The following CDH13 variants were observed in gnomAD, a reference collection of about 807,000 sequenced individuals.
CDH13 encodes the protein cadherin-13.
CDH13 carries 24 observed loss-of-function variants against 63.8 expected under a neutral mutation model. That is an observed-to-expected ratio of 0.38 (90% CI 0.27 to 0.53). The LOEUF (loss-of-function observed/expected upper bound fraction) is 0.53, where lower values mean the gene tolerates loss of function less well. CDH13 is among the 20% of genes least tolerant of loss of function. CDH13 has a pLI of 0.85. For synonymous variants in CDH13, 503 were observed against 355.3 expected (o/e 1.42, Z -4.67); for missense variants, 1,049 against 903.1 (o/e 1.16, Z -2.07).
intron 2 of CDH13, among the ~76,000 whole-genome samples, chr16:82,887,830 A>G (rs1458265701): frequency 6.6e-6 from 1 of 152,130 alleles, no homozygotes; most frequent in East Asian, 1.9e-4. Context: ...TCAGAAAAAA[A>G]AAGAAAGGAG....
chr16:83,534,839 C>A (rs907872965), intron 7 of CDH13, among the ~76,000 whole-genome samples: 15 of 152,270 alleles, frequency 9.9e-5, no homozygotes, highest in Admixed American at 2.6e-4. Context: ...GTATACACAC[C>A]CAAAATTGGG....
intron 6 of CDH13, among the ~76,000 whole-genome samples, chr16:83,431,356 T>C (rs1231322568): frequency 6.6e-6 from 1 of 151,812 alleles, no homozygotes; most frequent in Non-Finnish European, 1.5e-5. Flanking sequence ...TCTTTTACGA[T>C]CCTGGTCCTA....
chr16:83,626,281 G>C (rs948035911), intron 8 of CDH13, among the ~76,000 whole-genome samples: 1 of 152,172 alleles, frequency 6.6e-6, no homozygotes, highest in Non-Finnish European at 1.5e-5. Context: ...AGGCCCCGAG[G>C]AATGCAGGAA....
At chr16:83,328,886 T>TA (rs1455033290) in intron 5 of CDH13, among the ~76,000 whole-genome samples, 1 of 152,178 alleles carries the variant, frequency 6.6e-6, no homozygotes, top group African/African-American at 2.4e-5. Context: ...AGCTCCACAC[T>TA]AGCAGGGATA....
chr16:83,674,068 A>T (rs975591284), intron 9 of CDH13, among the ~76,000 whole-genome samples: 3 of 152,210 alleles, frequency 2.0e-5, no homozygotes, highest in Non-Finnish European at 4.4e-5. Flanking sequence ...AACACCTTCT[A>T]GAAGCCAGCT....
intron 4 of CDH13, among the ~76,000 whole-genome samples, chr16:83,206,969 A>G (rs2039201162): frequency 6.6e-6 from 1 of 152,238 alleles, no homozygotes; most frequent in Non-Finnish European, 1.5e-5. Flanking sequence ...TACTCAGACT[A>G]AAATACTTCG....
intron 1 of CDH13, among the ~76,000 whole-genome samples, chr16:82,745,603 CA>C (rs568980617): frequency 2.0e-5 from 3 of 151,192 alleles, no homozygotes; most frequent in African/African-American, 7.3e-5. Context: ...GACTCTGTCT[CA>C]AAAAAAAGTC....
intron 8 of CDH13, among the ~76,000 whole-genome samples, chr16:83,610,014 C>G (rs1239006136): frequency 2.0e-5 from 3 of 152,198 alleles, no homozygotes; most frequent in African/African-American, 7.2e-5. Flanking sequence ...AGCATTATGT[C>G]TTCATGGTCT....
chr16:82,769,761 T>C (rs1441205052), intron 1 of CDH13, among the ~76,000 whole-genome samples: 3 of 152,232 alleles, frequency 2.0e-5, no homozygotes, highest in African/African-American at 7.2e-5. Context: ...TGTGTTTCCA[T>C]TGACCTGGCT....
chr16:83,072,204 A>G (rs2032488453), intron 3 of CDH13, among the ~76,000 whole-genome samples: 1 of 152,168 alleles, frequency 6.6e-6, no homozygotes, highest in African/African-American at 2.4e-5. Flanking sequence ...CCTTCAGTGG[A>G]AATCCTTGCT....
intron 1 of CDH13, among the ~76,000 whole-genome samples, chr16:82,816,195 C>T (rs948155242): frequency 1.3e-5 from 2 of 152,128 alleles, no homozygotes; most frequent in Non-Finnish European, 2.9e-5. Context: ...TGGAAGCAAA[C>T]CCCACTGCAG....
intron 6 of CDH13, among the ~76,000 whole-genome samples, chr16:83,484,055 C>A (rs2073832900): frequency 6.6e-6 from 1 of 152,148 alleles, no homozygotes; most frequent in African/African-American, 2.4e-5. Flanking sequence ...AAGCATGTGG[C>A]CGGATGGCAC....
chr16:83,334,390 C>CACAT (rs1567599418), intron 5 of CDH13, among the ~76,000 whole-genome samples: 2 of 150,336 alleles, frequency 1.3e-5, no homozygotes, highest in Non-Finnish European at 3.0e-5. Flanking sequence ...CACACACACA[C>CACAT]ACACAGAATC....
At chr16:82,969,476 T>TCC (rs1908370738) in intron 2 of CDH13, among the ~76,000 whole-genome samples, 1 of 110,114 alleles carries the variant, frequency 9.1e-6, no homozygotes, top group Non-Finnish European at 1.9e-5. Context: ...TTTCTGCATA[T>TCC]TCTTTTTTTT....
At chr16:83,092,016 A>C (rs1477950677) in intron 3 of CDH13, among the ~76,000 whole-genome samples, 1 of 152,248 alleles carries the variant, frequency 6.6e-6, no homozygotes, top group Non-Finnish European at 1.5e-5. Flanking sequence ...TGCTGGCATT[A>C]AAAATTTATT....
Position 83,375,377 on chromosome 16 carries a change from G to A in CDH13, c.781+30371G>A, listed in dbSNP as rs115811689. ...TGATTCTCTTTAAGGAGGGTCTGAA[G>A]TGTACAGTGACACAGCTATCAGTGG... is the stretch of plus-strand genomic sequence containing the variant. On this transcript the variant is annotated intron_variant, in intron 6 of 13. Transcript: ENST00000567109. Among the ~76,000 whole-genome samples, 460 of 152,344 alleles carry A rather than the reference G, an allele frequency of 3.0e-3. 1 individual carries two copies. The highest frequency in any genetic ancestry group is 0.01 in the African/African-American group (436 of 41,574).
intron 7 of CDH13, among the ~76,000 whole-genome samples, chr16:83,506,225 A>G (rs2074390709): frequency 6.6e-6 from 1 of 152,204 alleles, no homozygotes; most frequent in Non-Finnish European, 1.5e-5. Flanking sequence ...GTCAGAGTGA[A>G]GAGTATAGAC....
At chr16:83,251,219 CTA>C (rs2151825143) in intron 5 of CDH13, among the ~76,000 whole-genome samples, 2 of 152,094 alleles carry the variant, frequency 1.3e-5, no homozygotes, top group East Asian at 3.9e-4. Flanking sequence ...TCTCTGGGCA[CTA>C]TTTCTTACAA....
At chr16:83,785,682 G>GT (rs1227921099) in intron 13 of CDH13, among the ~76,000 whole-genome samples, 1 of 152,144 alleles carries the variant, frequency 6.6e-6, no homozygotes, top group Non-Finnish European at 1.5e-5. Flanking sequence ...CTCTTGCATA[G>GT]TATCAGCTGG....
Sources: allele counts gnomAD v4.1 joint callset (sites outside exome capture counted in the v4.1 genomes callset), GRCh38; gene constraint gnomAD v4.1.1; transcripts MANE v1.5; gene names NCBI Gene and HGNC (gene_info 2026-07-23, HGNC 2026-07-21).